The following POLA1 variants were observed in gnomAD, a reference collection of about 807,000 sequenced individuals.
The protein encoded by POLA1 is DNA polymerase alpha catalytic subunit.
A neutral mutation model predicts 124.0 loss-of-function variants in POLA1; 15 were observed. The ratio of observed to expected loss-of-function variants is 0.12; its 90% confidence interval spans 0.08 to 0.19. POLA1 has a LOEUF of 0.19. Ranked by LOEUF, POLA1 falls within the 10% of genes least tolerant of loss-of-function variation. The pLI is 1.00. For missense variants in POLA1, 886 were observed against 1,103.4 expected, an observed-to-expected ratio of 0.80 and a Z score of 2.79; for synonymous variants, 408 against 389.4, an observed-to-expected ratio of 1.05 and a Z score of -0.56.
At chrX:24,755,935 G>A (rs1327706290) in intron 26 of POLA1, among the ~76,000 whole-genome samples, 1 of 111,963 alleles carries the variant, frequency 8.9e-6, no homozygotes, top group Non-Finnish European at 1.9e-5. Flanking sequence ...CCAGGGGTTG[G>A]CAGACTTTGA....
At chrX:24,846,417 G>A (rs138298176) in intron 34 of POLA1, among the ~76,000 whole-genome samples, 2 of 111,826 alleles carry the variant, frequency 1.8e-5, no homozygotes, top group Non-Finnish European at 3.8e-5. Context: ...ATGAAGTGTT[G>A]AAAGACTTCG....
At chrX:24,835,513 T>C (rs1484766889) in intron 32 of POLA1, among the ~76,000 whole-genome samples, 1 of 111,469 alleles carries the variant, frequency 9.0e-6, no homozygotes, top group East Asian at 2.8e-4. Flanking sequence ...AAAAGCTCCT[T>C]GTTTGGATTG....
intron 4 of POLA1, among the ~76,000 whole-genome samples, chrX:24,713,710 C>T (rs1193934974): frequency 1.8e-5 from 2 of 112,474 alleles, no homozygotes; most frequent in Non-Finnish European, 3.8e-5. Flanking sequence ...CCACCGCACC[C>T]GGCCAGCAAA....
At chrX:24,984,950 G>A (rs1030301590) in intron 36 of POLA1, among the ~76,000 whole-genome samples, 1 of 111,071 alleles carries the variant, frequency 9.0e-6, no homozygotes, top group Non-Finnish European at 1.9e-5. Context: ...CTGAGCCACC[G>A]CACCCGGCCT....
intron 36 of POLA1, among the ~76,000 whole-genome samples, chrX:24,956,522 G>A (rs1452605964): frequency 9.1e-6 from 1 of 109,791 alleles, no homozygotes; most frequent in Non-Finnish European, 1.9e-5. Flanking sequence ...GTATTCCCGG[G>A]GTAACAAAGA....
At chrX:24,832,779 G>A (rs978936638) in intron 32 of POLA1, among the ~76,000 whole-genome samples, 2 of 111,378 alleles carry the variant, frequency 1.8e-5, no homozygotes, top group Non-Finnish European at 3.8e-5. Flanking sequence ...AAATAGAAAA[G>A]GGTTAAGGTG....
At chrX:24,777,934 A>T (rs1180009439) in intron 26 of POLA1, among the ~76,000 whole-genome samples, 1 of 112,507 alleles carries the variant, frequency 8.9e-6, no homozygotes, top group African/African-American at 3.2e-5. Context: ...AAGTATACAC[A>T]GTTAAAAGTA....
chrX:24,773,667 T>G (rs754892034), intron 26 of POLA1, among the ~76,000 whole-genome samples: 52 of 112,298 alleles, frequency 4.6e-4, no homozygotes, highest in African/African-American at 1.6e-3. Flanking sequence ...TTCTGGTCCT[T>G]AGTAAGTGAT....
intron 11 of POLA1, among the ~76,000 whole-genome samples, chrX:24,723,588 A>G (rs1930340171): frequency 8.9e-6 from 1 of 112,956 alleles, no homozygotes; most frequent in African/African-American, 3.2e-5. Context: ...AAAATGTGAC[A>G]TGGCATTTGG....
In POLA1 at chrX:24,714,619, A is replaced by T; in HGVS notation, c.412A>T (p.Asn138Tyr). The change falls in exon 5 of 37, where the codon AAC becomes TAC. Residue 138 changes from asparagine to tyrosine, a missense_variant. This residue lies in a region of POLA1 where 337 missense variants were observed against 402.8 expected (regional missense o/e 0.84). Transcript: ENST00000379068. ...NVKKLAVTKP[N>Y]NIKSMFIACA... ...AAAGAAGCTCGCAGTGACAAAACCGAACAACATTAAGTCAATGTTCATTGC... is the reference window on the plus strand; with the variant it reads ...AAAGAAGCTCGCAGTGACAAAACCGTACAACATTAAGTCAATGTTCATTGC... 1 of 1,199,161 alleles carries T rather than the reference A, an allele frequency of 8.3e-7. No homozygotes were observed. The highest frequency in any genetic ancestry group is 1.1e-6 in the Non-Finnish European group (1 of 885,629).
intron 35 of POLA1, among the ~76,000 whole-genome samples, chrX:24,907,666 A>G (rs1314622228): frequency 8.9e-6 from 1 of 112,118 alleles, no homozygotes; most frequent in Admixed American, 9.5e-5. Flanking sequence ...AAAGAAAGAC[A>G]TTCTCAGATG....
rs539405160 is a variant in POLA1, at chrX:24,939,762, CAGAG to C, written c.4261+9216_4261+9219del. Among the ~76,000 whole-genome samples, 15 of 111,244 alleles carry C rather than the reference CAGAG, an allele frequency of 1.3e-4. 1 individual carries two copies. The South Asian group carries it at 5.3e-3, about 39-fold the overall frequency. ...CTTTGTCCCTTGTGATTTAAAAAGTCAGAGAGCATTTTAATTTTTTTGTGACTAT... is the reference window on the plus strand; with the variant it reads ...CTTTGTCCCTTGTGATTTAAAAAGTCAGCATTTTAATTTTTTTGTGACTAT... On this transcript the variant is annotated intron_variant, in intron 36 of 36. Transcript: ENST00000379068.
chrX:24,929,773 A>G (rs897800074), intron 35 of POLA1, among the ~76,000 whole-genome samples: 4 of 112,293 alleles, frequency 3.6e-5, no homozygotes, highest in African/African-American at 6.5e-5. Flanking sequence ...AATGTTTAGT[A>G]TATGTTTGCT....
At chrX:24,938,765 C>T (rs1193496560) in intron 36 of POLA1, among the ~76,000 whole-genome samples, 2 of 112,281 alleles carry the variant, frequency 1.8e-5, no homozygotes, top group Non-Finnish European at 3.8e-5. Context: ...ATGGATACTG[C>T]CTGTTTTGTT....
At chrX:24,798,048 C>CA (rs765112815) in intron 26 of POLA1, among the ~76,000 whole-genome samples, 17 of 109,739 alleles carry the variant, frequency 1.5e-4, no homozygotes, top group African/African-American at 5.6e-4. Context: ...ACCCTGTTTC[C>CA]AAAAAAAAGC....
chrX:24,730,201 A>G (rs1930813058), intron 15 of POLA1, among the ~76,000 whole-genome samples: 2 of 111,532 alleles, frequency 1.8e-5, no homozygotes, highest in Admixed American at 1.9e-4. Context: ...ATCCACCTCT[A>G]GTGTCCAGAA....
intron 25 of POLA1, 151 bp from the exon 26 acceptor site, chrX:24,748,719 G>C (rs1932158166): frequency 3.3e-6 from 2 of 606,240 alleles, no homozygotes; most frequent in Non-Finnish European, 5.1e-6. Flanking sequence ...GGGAATCATG[G>C]ATCCAGGAGA....
At chrX:24,796,778 G>A (rs2045614071) in intron 26 of POLA1, among the ~76,000 whole-genome samples, 1 of 111,532 alleles carries the variant, frequency 9.0e-6, no homozygotes, top group Non-Finnish European at 1.9e-5. Flanking sequence ...GCTTCTGTCT[G>A]CTTCTCTGTG....
At chrX:24,981,015 T>C (rs1365050980) in intron 36 of POLA1, among the ~76,000 whole-genome samples, 2 of 112,189 alleles carry the variant, frequency 1.8e-5, no homozygotes, top group Non-Finnish European at 3.8e-5. Flanking sequence ...TGTATCTTAC[T>C]GTTACCAGGG....
Sources: allele counts gnomAD v4.1 joint callset (sites outside exome capture counted in the v4.1 genomes callset), GRCh38; gene constraint gnomAD v4.1.1; regional missense constraint gnomAD v4.1.1; transcripts MANE v1.5; gene names NCBI Gene and HGNC (gene_info 2026-07-23, HGNC 2026-07-21).